PTK2B: variants seen among roughly 807,000 people sequenced by gnomAD.
PTK2B encodes protein-tyrosine kinase 2-beta.
A neutral mutation model predicts 142.9 loss-of-function variants in PTK2B; 71 were observed. The observed-to-expected ratio is 0.50, with a 90% CI of 0.41 to 0.61. The LOEUF (loss-of-function observed/expected upper bound fraction) is 0.61. Ranked by LOEUF, PTK2B falls within the 20% of genes least tolerant of loss-of-function variation. The probability of loss-of-function intolerance (pLI) is 0.00; values close to 1 mark genes in which losing one functional copy is unlikely to be tolerated. For missense variants in PTK2B, 1,105 were observed against 1,320.4 expected (o/e 0.84, Z 2.53); for synonymous variants, 519 against 503.4 (o/e 1.03, Z -0.42).
intron 30 of PTK2B, among the ~76,000 whole-genome samples, chr8:27,457,482 C>G (rs1171797547): frequency 1.3e-5 from 2 of 152,212 alleles, no homozygotes; most frequent in African/African-American, 4.8e-5. Context: ...TTAAGAAATA[C>G]ATTTCTAAGG....
chr8:27,337,922 C>T (rs1480159856), intron 1 of PTK2B, among the ~76,000 whole-genome samples: 1 of 152,162 alleles, frequency 6.6e-6, no homozygotes. Context: ...CTCTGTTTAA[C>T]ATTTTGAGGA....
Position 27,454,255 on chromosome 8 carries a change from T to C in PTK2B, c.2697T>C (p.Cys899=). The change falls in exon 29 of 31, where the codon TGT becomes TGC. Residue 899 remains cysteine, a synonymous_variant. Transcript: ENST00000346049. Reference sequence around the variant, plus strand: ...TGCTGGAGCTCAAGAATGAGCTCTGTCAGCTGCCCCCCGAGGGCTACGTGG... The same window carrying C: ...TGCTGGAGCTCAAGAATGAGCTCTGCCAGCTGCCCCCCGAGGGCTACGTGG... ...RAVLELKNEL[C]QLPPEGYVVV... is the part of the protein sequence containing the mutation. 2 of 1,614,054 alleles carry C rather than the reference T, an allele frequency of 1.2e-6. No homozygotes were observed. Among genetic ancestry groups the C allele is most frequent in the Non-Finnish European group, 1.7e-6 (2 of 1,179,998 alleles).
intron 1 of PTK2B, among the ~76,000 whole-genome samples, chr8:27,393,051 A>G (rs1190501590): frequency 1.3e-5 from 2 of 152,176 alleles, no homozygotes; most frequent in South Asian, 2.1e-4. Context: ...CCTTCTTCCA[A>G]GGCAGCTGGG....
intron 30 of PTK2B, among the ~76,000 whole-genome samples, chr8:27,456,374 T>C (rs1717162318): frequency 6.6e-6 from 1 of 152,196 alleles, no homozygotes; most frequent in African/African-American, 2.4e-5. Context: ...TTATAACGGC[T>C]ATGGTTGGTG....
At position 27,397,564 on chromosome 8, in the gene PTK2B, T is replaced by C; in HGVS notation, c.-21T>C. 3.1e-6 allele frequency: 5 copies of C among 1,611,968 alleles called. No homozygotes were observed. Among genetic ancestry groups the C allele is most frequent in the Non-Finnish European group, 4.2e-6 (5 of 1,179,194 alleles). ...TCTCTGCAGGACTGCAATGTGCCGA[T>C]CTTAGCTGCTGCCTGAGAGGATGTC... On this transcript the variant is annotated 5_prime_UTR_variant, in exon 2 of 31. Coordinates refer to ENST00000346049, the MANE Select transcript of PTK2B (RefSeq NM_173176.3).
Position 27,340,071 on chromosome 8 carries a change from G to A in PTK2B, c.-38+14390G>A, listed in dbSNP as rs74811796. 1.6e-3 allele frequency among the ~76,000 whole-genome samples: 251 copies of A among 152,348 alleles called. 5 individuals are homozygous for A. The East Asian group carries it at 0.044, about 27-fold the overall frequency. The stretch of plus-strand genomic sequence containing the variant: ...TATTTTTGAGAATGTAGAATTGGTG[G>A]CTTTGACATGGTGAATCTAAAGCCC... On this transcript the variant is annotated intron_variant, in intron 1 of 30. Transcript: ENST00000346049.
At chr8:27,431,037 T>A in intron 8 of PTK2B, 21 bp downstream of exon 8, 1 of 1,604,248 alleles carries the variant, frequency 6.2e-7, no homozygotes, top group Non-Finnish European at 8.5e-7. Flanking sequence ...GCTCTCTTGA[T>A]CCTCTCCCTG....
intron 13 of PTK2B, among the ~76,000 whole-genome samples, chr8:27,435,292 A>T (rs1810701729): frequency 6.6e-6 from 1 of 152,148 alleles, no homozygotes; most frequent in East Asian, 1.9e-4. Context: ...AGATCCCATT[A>T]TGGGGGCTCC....
At chr8:27,443,082 A>G in intron 22 of PTK2B, 99 bp downstream of exon 22, 1 of 724,994 alleles carries the variant, frequency 1.4e-6, no homozygotes, top group Non-Finnish European at 2.4e-6. Flanking sequence ...GATGCCCCCT[A>G]CAGCCCTTTC....
intron 1 of PTK2B, among the ~76,000 whole-genome samples, chr8:27,373,434 A>G (rs1260045506): frequency 6.6e-6 from 1 of 152,140 alleles, no homozygotes; most frequent in Non-Finnish European, 1.5e-5. Flanking sequence ...AAGTAGCTAA[A>G]CAACTGGAGA....
chr8:27,365,066 CGTCTTCTTG>C, intron 1 of PTK2B, among the ~76,000 whole-genome samples: 1 of 152,340 alleles, frequency 6.6e-6, no homozygotes, highest in East Asian at 1.9e-4. Context: ...TTTCAACCCA[CGTCTTCTTG>C]TTTGCAAACC....
chr8:27,313,014 C>T (rs2130416821), intron 2 of PTK2B, among the ~76,000 whole-genome samples: 1 of 152,298 alleles, frequency 6.6e-6, no homozygotes, highest in Admixed American at 6.5e-5. Context: ...TGTGTCCCCA[C>T]CCCAAATCTC....
intron 29 of PTK2B, 23 bp from the exon 30 acceptor site, chr8:27,454,508 A>G (rs778070815): frequency 7.4e-6 from 12 of 1,611,184 alleles, no homozygotes; most frequent in Non-Finnish European, 1.0e-5. Flanking sequence ...AGTGGCGGCC[A>G]TCCTGCCCCT....
At chr8:27,320,498 T>A (rs1563455225) in intron 3 of PTK2B, among the ~76,000 whole-genome samples, 1 of 152,208 alleles carries the variant, frequency 6.6e-6, no homozygotes. Context: ...TCCGACTGAC[T>A]GGCTATACAT....
chr8:27,458,405 A>G lies in PTK2B; in HGVS notation c.2926A>G (p.Met976Val), dbSNP rs1314688640. 2 of 1,613,142 alleles carry G rather than the reference A, an allele frequency of 1.2e-6. No individual in the cohort carries two copies. Among genetic ancestry groups the G allele is most frequent in the Non-Finnish European group, 1.7e-6 (2 of 1,179,576 alleles). The change falls in exon 31 of 31, where the codon ATG becomes GTG. Residue 976 changes from methionine to valine, a missense_variant. Met to Val is a conservative substitution (Grantham distance 21, BLOSUM62 1). Transcript: ENST00000346049. ...TSLSEECKRQ[M>V]LTASHTLAVD... is the part of the protein sequence containing the mutation. ...CCTAAGTGAGGAGTGCAAGAGGCAG[A>G]TGCTGACGGCTTCACACACCCTGGC...
intron 1 of PTK2B, among the ~76,000 whole-genome samples, chr8:27,371,999 A>G (rs975783425): frequency 6.6e-6 from 1 of 152,264 alleles, no homozygotes; most frequent in African/African-American, 2.4e-5. Context: ...TATGTTCTGC[A>G]AGGGGAACAG....
At chr8:27,417,259 T>A (rs1233341604) in intron 2 of PTK2B, among the ~76,000 whole-genome samples, 3 of 152,212 alleles carry the variant, frequency 2.0e-5, no homozygotes, top group Non-Finnish European at 4.4e-5. Flanking sequence ...GATTGATAAG[T>A]AGGAATGAAT....
At chr8:27,405,600 GT>G (rs1469200882) in intron 2 of PTK2B, among the ~76,000 whole-genome samples, 1 of 152,162 alleles carries the variant, frequency 6.6e-6, no homozygotes, top group Non-Finnish European at 1.5e-5. Context: ...CCCCCTCCCT[GT>G]TTCCTGTGTG....
intron 1 of PTK2B, among the ~76,000 whole-genome samples, chr8:27,394,100 G>A (rs1807893391): frequency 6.6e-6 from 1 of 152,166 alleles, no homozygotes; most frequent in Admixed American, 6.5e-5. Context: ...GCAGATTACT[G>A]TACTGAATAC....
Sources: allele counts gnomAD v4.1 joint callset (sites outside exome capture counted in the v4.1 genomes callset), GRCh38; gene constraint gnomAD v4.1.1; transcripts MANE v1.5; gene names NCBI Gene and HGNC (gene_info 2026-07-23, HGNC 2026-07-21).